Variants in SANBR observed in about 807,000 individuals in gnomAD.
The protein encoded by SANBR is SANT and BTB domain regulator of CSR.
Under a neutral mutation model 101.8 loss-of-function variants are expected in SANBR, and 77 were observed. That is an observed-to-expected ratio of 0.76 (90% CI 0.63 to 0.91). The LOEUF (loss-of-function observed/expected upper bound fraction) is 0.91, where lower values mean the gene tolerates loss of function less well. Ranked by LOEUF, SANBR falls within the 40% of genes least tolerant of loss-of-function variation. The pLI is 0.00. For missense variants in SANBR, 875 were observed against 853.0 expected, an observed-to-expected ratio of 1.03 and a Z score of -0.32; for synonymous variants, 279 against 274.7, an observed-to-expected ratio of 1.02 and a Z score of -0.15.
In SANBR at chr2:61,123,712, A is replaced by G; in HGVS notation, c.*1550A>G. The G allele has an allele frequency of 1.0e-6, 1 of 985,338 alleles. No homozygotes were observed. The allele number at this position is 985,338 out of a possible 1,614,324, so 61.0% of individuals were successfully genotyped here. On this transcript the variant is annotated 3_prime_UTR_variant, in exon 22 of 22. Coordinates refer to ENST00000402291, the MANE Select transcript of SANBR (RefSeq NM_001129993.3). Reference sequence around the variant, plus strand: ...GCTCTTTTGATTTTTAACTGATGGTAAAAAGGCAAACTGCTTCTCCCCTGG... The same window carrying G: ...GCTCTTTTGATTTTTAACTGATGGTGAAAAGGCAAACTGCTTCTCCCCTGG...
At chr2:61,096,979 C>G (rs138935313) in intron 11 of SANBR, among the ~76,000 whole-genome samples, 1,638 of 152,178 alleles carry the variant, frequency 0.011, 25 homozygotes, top group African/African-American at 0.037. Flanking sequence ...CATGGCAAAA[C>G]CCTGTCTCTA....
rs549764802 is a variant in SANBR at position 61,136,577 on chromosome 2, C to T, written c.*45-887C>T. 1.9e-4 allele frequency among the ~76,000 whole-genome samples: 28 copies of T among 151,238 alleles called. 1 individual carries two copies. The highest frequency in any genetic ancestry group is 1.3e-3 in the Admixed American group (20 of 15,150). On this transcript the variant is annotated intron_variant, in intron 21 of 21. Transcript: ENST00000295031. ...CCGGGAGGCAGAGGTTGCAGTGAGC[C>T]GAGATGGTGCCACTGCACTCCAGCC...
chr2:61,077,122 A>G lies in SANBR; in HGVS notation c.634A>G (p.Thr212Ala). The change falls in exon 6 of 22, where the codon ACT (threonine) becomes GCT (alanine). Residue 212 changes from threonine to alanine, a missense_variant. Physicochemically the swap from Thr to Ala is moderately conservative, Grantham distance 58 (BLOSUM62 0). Transcript: ENST00000402291. ...NWLIKYIKRN[T>A]KENKDCEMPT... is the part of the protein sequence containing the mutation. ...GTTGATAAAATACATTAAAAGGAAC[A>G]CTAAGGAGAATAAAGATTGTGAGAT... 6.2e-7 allele frequency: 1 copy of G among 1,612,692 alleles called. No individual in the cohort carries two copies. Among genetic ancestry groups the G allele is most frequent in the Admixed American group, 1.7e-5 (1 of 60,004 alleles).
chr2:61,085,676 A>T (rs1012034292), intron 8 of SANBR, among the ~76,000 whole-genome samples: 3 of 151,960 alleles, frequency 2.0e-5, no homozygotes, highest in Non-Finnish European at 4.4e-5. Flanking sequence ...ACACCCAGCC[A>T]ATTTTTATAT....
chr2:61,120,968 T>G (rs1296553620), intron 20 of SANBR, among the ~76,000 whole-genome samples: 11 of 152,158 alleles, frequency 7.2e-5, no homozygotes, highest in Non-Finnish European at 1.3e-4. Flanking sequence ...TTCTGTGTCT[T>G]CATTGTGACA....
At chr2:61,124,962 A>T (rs1233801710), downstream of SANBR, among the ~76,000 whole-genome samples, 1 of 151,858 alleles carries the variant, frequency 6.6e-6, no homozygotes, top group Non-Finnish European at 1.5e-5. Context: ...ACCAAAAAAA[A>T]TGTATTTTGT....
chr2:61,066,723 A>G (rs113342723), intron 1 of SANBR, among the ~76,000 whole-genome samples: 2,424 of 152,048 alleles, frequency 0.016, 20 homozygotes, highest in Non-Finnish European at 0.023. Context: ...TTTTTTTTCT[A>G]TTTGAAATAA....
At chr2:61,128,877 A>T (rs373639011), downstream of SANBR, among the ~76,000 whole-genome samples, 17 of 152,174 alleles carry the variant, frequency 1.1e-4, no homozygotes, top group African/African-American at 3.9e-4. Flanking sequence ...TGGGAGGATC[A>T]CTTGAGCCCA....
downstream of SANBR, among the ~76,000 whole-genome samples, chr2:61,127,709 A>C (rs1684554394): frequency 6.6e-6 from 1 of 152,210 alleles, no homozygotes; most frequent in Admixed American, 6.5e-5. Flanking sequence ...ATGAAGAAAA[A>C]TGAACAGAGC....
intron 12 of SANBR, among the ~76,000 whole-genome samples, chr2:61,101,450 T>C (rs1683278003): frequency 6.6e-6 from 1 of 152,194 alleles, no homozygotes; most frequent in Non-Finnish European, 1.5e-5. Context: ...AAAGAATATA[T>C]TGGCTGGGCG....
chr2:61,098,057 T>TTA lies in SANBR; in HGVS notation c.1365+225_1365+226dup, dbSNP rs61325986. On this transcript the variant is annotated intron_variant, in intron 12 of 21. Transcript: ENST00000402291. ...TTCTTTTGTACCTTTCAGGCACAAA[T>TTA]TATATATATATATATATATATTTTT... Among the ~76,000 whole-genome samples the TTA allele has an allele frequency of 6.8e-3, 962 of 142,142 alleles. 6 individuals carry two copies. The highest frequency in any genetic ancestry group is 0.011 in the Admixed American group (159 of 14,028). 93.3% of individuals were successfully genotyped at this position (142,142 alleles called of 152,430 possible).
intron 10 of SANBR, chr2:61,090,655 C>A: frequency 6.5e-6 from 1 of 153,572 alleles, no homozygotes; most frequent in Non-Finnish European, 1.4e-5. Context: ...GAGCTAGGAC[C>A]ATGGGTGTGC....
At chr2:61,093,004 A>G (rs1305473423) in intron 11 of SANBR, among the ~76,000 whole-genome samples, 1 of 152,100 alleles carries the variant, frequency 6.6e-6, no homozygotes, top group Non-Finnish European at 1.5e-5. Flanking sequence ...GTGGTGGCAC[A>G]TGCCTGTAAT....
At chr2:61,092,063 A>G (rs1682790819) in intron 10 of SANBR, among the ~76,000 whole-genome samples, 1 of 152,240 alleles carries the variant, frequency 6.6e-6, no homozygotes, top group Non-Finnish European at 1.5e-5. Context: ...ATGCAATTAG[A>G]ATAAAGCTTC....
chr2:61,070,372 A>G lies in SANBR; in HGVS notation c.22A>G (p.Asn8Asp). 1.9e-6 allele frequency: 3 copies of G among 1,585,484 alleles called. No homozygotes were observed. Among genetic ancestry groups the G allele is most frequent in the Non-Finnish European group, 2.6e-6 (3 of 1,170,198 alleles). MSRGYSE[N>D]NNFLNNNNQM... ...AAAGATGAGTCGTGGATATTCAGAA[A>G]ACAACAATTTCCTGAACAATAATAA... Residue 8 changes from asparagine (N) to aspartate (D), a missense_variant, in exon 3 of 22, where the codon AAC becomes GAC. Transcript: ENST00000402291.
exon 22 of SANBR, chr2:61,137,754 C>A (rs991307918): frequency 6.6e-6 from 1 of 152,136 alleles, no homozygotes; most frequent in Admixed American, 6.6e-5. Context: ...CACCGAGGAT[C>A]CTGCATCCTC....
chr2:61,103,839 C>G lies in SANBR; in HGVS notation c.1366-14C>G. 2 of 1,612,380 alleles carry G rather than the reference C, an allele frequency of 1.2e-6. No individual in the cohort carries two copies. The highest frequency in any genetic ancestry group is 8.5e-7 in the Non-Finnish European group (1 of 1,179,000). ...AACAAACTAACCTCTAATTTATTGT[C>G]TCTTATGTGACAGGGCTGTAAAGTG... On this transcript the variant is annotated splice_polypyrimidine_tract_variant and intron_variant, in intron 12 of 21. Coordinates refer to ENST00000402291, the MANE Select transcript of SANBR (RefSeq NM_001129993.3).
intron 16 of SANBR, among the ~76,000 whole-genome samples, chr2:61,109,952 C>T (rs535079036): frequency 4.1e-4 from 63 of 151,958 alleles, no homozygotes; most frequent in African/African-American, 1.5e-3. Flanking sequence ...TGTGCTCGGC[C>T]GAGAGCATGG....
At position 61,071,590 on chromosome 2, in the gene SANBR, T is replaced by C. The variant is rs1198205493; in HGVS notation, c.151-16T>C. On this transcript the variant is annotated splice_polypyrimidine_tract_variant and intron_variant, in intron 3 of 21. Coordinates refer to ENST00000402291, the MANE Select transcript of SANBR (RefSeq NM_001129993.3). ...AATTCCCAAACCTCTGTTTCTTTCA[T>C]TTTATATTATGACAGTGTGCAAAAA... 2 of 1,489,224 alleles carry C rather than the reference T, an allele frequency of 1.3e-6. No homozygotes were observed. The highest frequency in any genetic ancestry group is 2.5e-5 in the Admixed American group (1 of 39,280). The allele number at this position is 1,489,224 out of a possible 1,614,324, so 92.3% of individuals were successfully genotyped here. A position where few individuals can be genotyped will look rare whatever the true frequency, so the allele number is the denominator to read the frequency against.
Sources: gnomAD v4.1 joint callset for allele counts (sites outside exome capture counted in the v4.1 genomes callset) on GRCh38, gnomAD v4.1.1 for gene constraint, MANE v1.5 for transcripts, NCBI Gene and HGNC (gene_info 2026-07-23, HGNC 2026-07-21) for gene names.